Variants in NCOA2 observed in about 807,000 individuals in gnomAD.
The protein encoded by NCOA2 is nuclear receptor coactivator 2.
Under a neutral mutation model 145.1 loss-of-function variants are expected in NCOA2, and 21 were observed. The ratio of observed to expected loss-of-function variants is 0.14; its 90% CI spans 0.10 to 0.21. NCOA2 has a LOEUF of 0.21. Ranked by LOEUF, NCOA2 falls within the 10% of genes least tolerant of loss-of-function variation. The pLI, the probability that NCOA2 is intolerant of heterozygous loss-of-function variation, is 1.00. For missense variants in NCOA2, 1,472 were observed against 1,837.6 expected, an observed-to-expected ratio of 0.80 and a Z score of 3.64; for synonymous variants, 619 against 637.5, an observed-to-expected ratio of 0.97 and a Z score of 0.44.
At chr8:70,122,844 C>G (rs1466661621) in intron 21 of NCOA2, among the ~76,000 whole-genome samples, 1 of 152,218 alleles carries the variant, frequency 6.6e-6, no homozygotes, top group Non-Finnish European at 1.5e-5. Flanking sequence ...CAATCTTGTT[C>G]TAACAGACAT....
chr8:70,236,619 G>A (rs557212808), intron 2 of NCOA2, among the ~76,000 whole-genome samples: 135 of 151,918 alleles, frequency 8.9e-4, no homozygotes, highest in African/African-American at 9.2e-4. Context: ...GGCCCTCTCC[G>A]TATCTGTGGT....
chr8:70,370,725 T>C (rs1448409154), intron 1 of NCOA2, among the ~76,000 whole-genome samples: 4 of 152,080 alleles, frequency 2.6e-5, no homozygotes, highest in Non-Finnish European at 5.9e-5. Flanking sequence ...AAAAAATACT[T>C]TTGTGAACAG....
intron 1 of NCOA2, among the ~76,000 whole-genome samples, chr8:70,398,755 T>C (rs1813932644): frequency 6.6e-6 from 1 of 152,218 alleles, no homozygotes; most frequent in Admixed American, 6.5e-5. Flanking sequence ...TGTCATTTAA[T>C]TCTTCTCTAG....
intron 9 of NCOA2, among the ~76,000 whole-genome samples, chr8:70,159,907 A>C (rs1812754751): frequency 6.6e-6 from 1 of 152,198 alleles, no homozygotes; most frequent in African/African-American, 2.4e-5. Flanking sequence ...GGACCCTCAA[A>C]CTGTGTTCTT....
intron 1 of NCOA2, among the ~76,000 whole-genome samples, chr8:70,304,810 T>C (rs1827764427): frequency 6.6e-6 from 1 of 151,274 alleles, no homozygotes; most frequent in Non-Finnish European, 1.5e-5. Flanking sequence ...ATGCATAATA[T>C]CTTAAGACTA....
chr8:70,279,191 T>C (rs575575049), intron 2 of NCOA2, among the ~76,000 whole-genome samples: 3 of 152,284 alleles, frequency 2.0e-5, no homozygotes, highest in African/African-American at 7.2e-5. Flanking sequence ...TTCTCACCAC[T>C]GAACCTTTGT....
At chr8:70,222,113 C>T (rs1472673906) in intron 2 of NCOA2, among the ~76,000 whole-genome samples, 1 of 152,174 alleles carries the variant, frequency 6.6e-6, no homozygotes, top group African/African-American at 2.4e-5. Flanking sequence ...AAAAACTGTA[C>T]ATTAATTCAT....
intron 1 of NCOA2, among the ~76,000 whole-genome samples, chr8:70,309,910 C>G (rs886483953): frequency 6.6e-6 from 1 of 152,024 alleles, no homozygotes; most frequent in African/African-American, 2.4e-5. Context: ...GCAGTGATCA[C>G]GCCATTGCAC....
chr8:70,428,672 A>T, the NCOA2 span, among the ~76,000 whole-genome samples: 3 of 152,164 alleles, frequency 2.0e-5, no homozygotes, highest in Non-Finnish European at 4.4e-5. Context: ...TTGTTTAAGG[A>T]AGAAATTATA....
chr8:70,260,647 A>G (rs1309102384), intron 2 of NCOA2, among the ~76,000 whole-genome samples: 8 of 152,230 alleles, frequency 5.3e-5, no homozygotes, highest in African/African-American at 1.9e-4. Flanking sequence ...CACAAGCACA[A>G]TTATACAGTC....
the NCOA2 span, among the ~76,000 whole-genome samples, chr8:70,447,454 T>C: frequency 6.6e-6 from 1 of 152,182 alleles, no homozygotes; most frequent in Admixed American, 6.5e-5. Flanking sequence ...TCCAGTCAAA[T>C]AATGGCGGCC....
intron 4 of NCOA2, among the ~76,000 whole-genome samples, chr8:70,192,769 C>T (rs1816826629): frequency 6.6e-6 from 1 of 152,044 alleles, no homozygotes; most frequent in South Asian, 2.1e-4. Flanking sequence ...TTTTTAACAT[C>T]AATAAAAATG....
rs1814092549 is a variant in NCOA2 at position 70,170,190 on chromosome 8, GCAGA to G, written c.541+8_541+11del. On this transcript the variant is annotated splice_region_variant and intron_variant, in intron 6 of 22. Coordinates refer to ENST00000452400, the MANE Select transcript of NCOA2 (RefSeq NM_006540.4). ...GACGGGAGGTAGGGAGGGAGACCCA[GCAGA>G]CATTTACCTATAGACTTTGGCAGCA... 1 of 1,611,660 alleles carries G rather than the reference GCAGA, an allele frequency of 6.2e-7. No homozygotes were observed. Among genetic ancestry groups the G allele is most frequent in the African/African-American group, 1.3e-5 (1 of 74,886 alleles).
intron 1 of NCOA2, among the ~76,000 whole-genome samples, chr8:70,380,796 C>A (rs1402512958): frequency 1.3e-5 from 2 of 152,074 alleles, no homozygotes; most frequent in Non-Finnish European, 2.9e-5. Context: ...AAAAAAAGGC[C>A]TGTGGCCGTG....
chr8:70,225,045 A>G (rs1401807206), intron 2 of NCOA2, among the ~76,000 whole-genome samples: 2 of 152,174 alleles, frequency 1.3e-5, no homozygotes, highest in African/African-American at 2.4e-5. Context: ...GCAAGAGGAC[A>G]TGATCTATTA....
chr8:70,177,256 GCTGAGATT>G (rs1478381593), intron 4 of NCOA2, among the ~76,000 whole-genome samples: 1 of 152,198 alleles, frequency 6.6e-6, no homozygotes, highest in Non-Finnish European at 1.5e-5. Context: ...GGTCTGCTTT[GCTGAGATT>G]CTGATACATC....
intron 1 of NCOA2, among the ~76,000 whole-genome samples, chr8:70,391,391 C>G (rs759442814): frequency 1.3e-5 from 2 of 152,168 alleles, no homozygotes; most frequent in Non-Finnish European, 2.9e-5. Context: ...AGTTGTTAGA[C>G]GGTAAATGTC....
intron 2 of NCOA2, among the ~76,000 whole-genome samples, chr8:70,234,389 G>A (rs923529111): frequency 7.9e-5 from 12 of 152,108 alleles, no homozygotes; most frequent in African/African-American, 2.2e-4. Flanking sequence ...GAATGGAATC[G>A]GTGAGTCATA....
At position 70,337,691 on chromosome 8, in the gene NCOA2, C is replaced by T. The variant is rs139620962; in HGVS notation, c.-76-40891G>A. Among the ~76,000 whole-genome samples the T allele has an allele frequency of 8.3e-4, 127 of 152,162 alleles. 1 individual carries two copies. The highest frequency in any genetic ancestry group is 3.0e-3 in the African/African-American group (123 of 41,512). On this transcript the variant is annotated intron_variant, in intron 1 of 22. Transcript: ENST00000452400. ...AAAGAAATGAGGCTAAAGCTGATCACGTAATTGGAATAAAACACTCCTCAG... is the reference window on the plus strand; with the variant it reads ...AAAGAAATGAGGCTAAAGCTGATCATGTAATTGGAATAAAACACTCCTCAG...
Sources: allele counts gnomAD v4.1 joint callset (sites outside exome capture counted in the v4.1 genomes callset), GRCh38; gene constraint gnomAD v4.1.1; transcripts MANE v1.5; gene names NCBI Gene and HGNC (gene_info 2026-07-23, HGNC 2026-07-21).